ITGA9: variants seen among roughly 807,000 people sequenced by gnomAD.
The protein encoded by ITGA9 is integrin subunit alpha 9, also known as integrin alpha-9.
A neutral mutation model predicts 127.8 loss-of-function variants in ITGA9; 56 were observed. The observed-to-expected ratio is 0.44, with a 90% CI of 0.35 to 0.55. ITGA9 has a LOEUF of 0.55. ITGA9 is among the 20% of genes least tolerant of loss of function. The probability of loss-of-function intolerance (pLI) is 0.00; values close to 1 mark genes in which losing one functional copy is unlikely to be tolerated. For missense variants in ITGA9, 1,196 were observed against 1,347.1 expected, an observed-to-expected ratio of 0.89 and a Z score of 1.76; for synonymous variants, 508 against 514.5, an observed-to-expected ratio of 0.99 and a Z score of 0.17.
intron 27 of ITGA9, among the ~76,000 whole-genome samples, chr3:37,815,430 G>A (rs1697419044): frequency 6.6e-6 from 1 of 152,094 alleles, no homozygotes; most frequent in African/African-American, 2.4e-5. Context: ...CCAACAAGAT[G>A]AAACCCCGTC....
At chr3:37,467,175 C>T (rs1261235322) in intron 1 of ITGA9, among the ~76,000 whole-genome samples, 4 of 152,268 alleles carry the variant, frequency 2.6e-5, no homozygotes, top group East Asian at 1.9e-4. Context: ...AGCACATTCC[C>T]GCGTGCCACC....
Position 37,672,903 on chromosome 3 carries a change from AT to A in ITGA9, c.1917-10951del, listed in dbSNP as rs11380867. Among the ~76,000 whole-genome samples the A allele has an allele frequency of 8.5e-4, 126 of 147,590 alleles. No individual in the cohort carries two copies. The Middle Eastern group carries it at 0.014, about 16-fold the overall frequency. On this transcript the variant is annotated intron_variant, in intron 17 of 27. Coordinates refer to ENST00000264741, the MANE Select transcript of ITGA9 (RefSeq NM_002207.3). Reference sequence around the variant, plus strand: ...TATTCTTTTTTAGTATTTCTTGGTGATTTTTTTTTTTACAACAAAAAATAGA... The same window carrying A: ...TATTCTTTTTTAGTATTTCTTGGTGATTTTTTTTTTACAACAAAAAATAGA...
chr3:37,750,344 C>A, intron 22 of ITGA9, 118 bp from the exon 23 acceptor site: 1 of 730,022 alleles, frequency 1.4e-6, no homozygotes, highest in Non-Finnish European at 2.5e-6. Flanking sequence ...CCTTCCAGAT[C>A]CGAACCTTAG....
chr3:37,483,851 C>T (rs765597377), intron 4 of ITGA9, among the ~76,000 whole-genome samples: 1 of 152,308 alleles, frequency 6.6e-6, no homozygotes, highest in South Asian at 2.1e-4. Context: ...ATGTGAATTG[C>T]CCCAGGTCAC....
rs537461474 is a variant in ITGA9 at position 37,685,414 on chromosome 3, A to G, written c.2067+1399A>G. Among the ~76,000 whole-genome samples the G allele has an allele frequency of 3.9e-5, 6 of 152,326 alleles. No individual in the cohort carries two copies. The East Asian group carries it at 9.6e-4, about 24-fold the overall frequency. ...GGACTGCAGGAGGGGTGTGCTTTCC[A>G]TCCACTTTCTATATTCTAAAAATTA... On this transcript the variant is annotated intron_variant, in intron 18 of 27. Transcript: ENST00000264741.
intron 12 of ITGA9, among the ~76,000 whole-genome samples, chr3:37,525,626 T>C (rs993126400): frequency 2.6e-5 from 4 of 152,212 alleles, no homozygotes; most frequent in Admixed American, 6.5e-5. Flanking sequence ...TGTAATTACA[T>C]AAAATGATAA....
At chr3:37,722,009 G>A (rs1202748274) in intron 18 of ITGA9, among the ~76,000 whole-genome samples, 2 of 152,156 alleles carry the variant, frequency 1.3e-5, no homozygotes, top group South Asian at 4.1e-4. Context: ...TTGGAACCAA[G>A]TCCAAACTCC....
chr3:37,684,142 G>A, intron 18 of ITGA9, 127 bp downstream of exon 18: 1 of 904,800 alleles, frequency 1.1e-6, no homozygotes, highest in Non-Finnish European at 1.8e-6. Flanking sequence ...CATTTAGAAT[G>A]ATTAGAACTT....
At chr3:37,747,716 C>CTTTTTTTTTTTTTTTTTTTT (rs56897652) in intron 22 of ITGA9, among the ~76,000 whole-genome samples, 1 of 140,040 alleles carries the variant, frequency 7.1e-6, no homozygotes, top group Admixed American at 7.1e-5. Flanking sequence ...CCTTTTTTTT[C>CTTTTTTTTTTTTTTTTTTTT]TTTTTTTTTT....
At chr3:37,519,103 T>C (rs78459094) in intron 10 of ITGA9, among the ~76,000 whole-genome samples, 157 bp from the exon 11 acceptor site, 4 of 144,670 alleles carry the variant, frequency 2.8e-5, no homozygotes, top group Admixed American at 6.7e-5. Flanking sequence ...TTTTTTTTTT[T>C]CCCGCTGAGG....
chr3:37,532,766 C>G (rs1337013631), intron 13 of ITGA9, among the ~76,000 whole-genome samples: 2 of 152,184 alleles, frequency 1.3e-5, no homozygotes, highest in African/African-American at 4.8e-5. Flanking sequence ...CTATTACCAG[C>G]TGGGACTCCA....
At chr3:37,617,602 A>T (rs540591350) in intron 15 of ITGA9, among the ~76,000 whole-genome samples, 1 of 152,192 alleles carries the variant, frequency 6.6e-6, no homozygotes, top group Non-Finnish European at 1.5e-5. Flanking sequence ...AGGTACACCA[A>T]TCAGACGTAG....
chr3:37,569,065 A>T (rs1699576464), intron 15 of ITGA9, among the ~76,000 whole-genome samples: 1 of 152,162 alleles, frequency 6.6e-6, no homozygotes, highest in African/African-American at 2.4e-5. Context: ...CCATTTTTAC[A>T]CTGCTGATAG....
chr3:37,673,640 G>A (rs897933980), intron 17 of ITGA9, among the ~76,000 whole-genome samples: 1 of 152,112 alleles, frequency 6.6e-6, no homozygotes, highest in African/African-American at 2.4e-5. Context: ...ATCTTACCTT[G>A]TTTGCTCTTC....
At chr3:37,539,034 G>A (rs1361005160) in intron 14 of ITGA9, among the ~76,000 whole-genome samples, 4 of 152,220 alleles carry the variant, frequency 2.6e-5, no homozygotes, top group Non-Finnish European at 5.9e-5. Context: ...AGCAGCAGTT[G>A]CCTTGTCCTC....
At chr3:37,586,812 C>T (rs373284160) in intron 15 of ITGA9, among the ~76,000 whole-genome samples, 5 of 152,224 alleles carry the variant, frequency 3.3e-5, no homozygotes, top group Admixed American at 2.6e-4. Flanking sequence ...AAGCTGAGTT[C>T]GCTCAGAATG....
In ITGA9 at chr3:37,780,002, A is replaced by C. The variant is rs1213899423; in HGVS notation, c.2768A>C (p.Asn923Thr). Reference protein sequence around the residue: ...SRTIDIYMLLNTEILKKDSSS... With the variant: ...SRTIDIYMLLTTEILKKDSSS... Reference sequence around the variant, plus strand: ...ACTATAGACATTTACATGCTGCTGAACACAGAAATACTGAAAAAGGTAAGC... The same window carrying C: ...ACTATAGACATTTACATGCTGCTGACCACAGAAATACTGAAAAAGGTAAGC... The change falls in exon 25 of 28, where the codon AAC becomes ACC. Residue 923 changes from asparagine to threonine, a missense_variant. Asn to Thr is a moderately conservative substitution (Grantham distance 65). Transcript: ENST00000264741. 6.2e-7 allele frequency: 1 copy of C among 1,614,152 alleles called. No individual in the cohort carries two copies. The highest frequency in any genetic ancestry group is 1.1e-5 in the South Asian group (1 of 91,084).
chr3:37,607,277 C>T (rs1278030920), intron 15 of ITGA9, among the ~76,000 whole-genome samples: 1 of 152,110 alleles, frequency 6.6e-6, no homozygotes, highest in Admixed American at 6.5e-5. Context: ...ATCCATCATC[C>T]TATCTCAGGA....
intron 15 of ITGA9, among the ~76,000 whole-genome samples, chr3:37,562,812 A>T (rs1699506883): frequency 1.3e-5 from 2 of 152,174 alleles, no homozygotes; most frequent in South Asian, 4.1e-4. Flanking sequence ...GAAATGTGGC[A>T]TGTGGCAGAT....
Sources: allele counts gnomAD v4.1 joint callset (sites outside exome capture counted in the v4.1 genomes callset), GRCh38; gene constraint gnomAD v4.1.1; transcripts MANE v1.5; gene names NCBI Gene and HGNC (gene_info 2026-07-23, HGNC 2026-07-21).